Variants in ERC1 observed in about 807,000 individuals in gnomAD.
ERC1 encodes RAB6 interacting protein 2.
ERC1 carries 56 observed loss-of-function variants against 132.0 expected under a neutral mutation model. The ratio of observed to expected loss-of-function variants is 0.42; its 90% confidence interval spans 0.34 to 0.53. ERC1 has a LOEUF of 0.53. Among genes scored for constraint, ERC1 ranks in the 20% least tolerant of loss-of-function variants. The pLI, the probability that ERC1 is intolerant of heterozygous loss-of-function variation, is 0.03. For synonymous variants in ERC1, 478 were observed against 476.1 expected (o/e 1.00, Z -0.05); for missense variants, 1,202 against 1,349.9 (o/e 0.89, Z 1.72).
At chr12:1,334,270 C>CCAAA (rs1447629782) in intron 15 of ERC1, among the ~76,000 whole-genome samples, 3 of 152,196 alleles carry the variant, frequency 2.0e-5, no homozygotes, top group Non-Finnish European at 4.4e-5. Flanking sequence ...GCTTTTGTTG[C>CCAAA]AGTTGCTTTT....
intron 13 of ERC1, among the ~76,000 whole-genome samples, chr12:1,238,197 G>T (rs557806001): frequency 3.4e-4 from 51 of 148,336 alleles, no homozygotes; most frequent in African/African-American, 1.2e-3. Flanking sequence ...AATCTGATGA[G>T]TGGTAAATAT....
intron 3 of ERC1, among the ~76,000 whole-genome samples, chr12:1,083,916 C>A (rs1264373122): frequency 6.6e-6 from 1 of 152,162 alleles, no homozygotes; most frequent in Non-Finnish European, 1.5e-5. Flanking sequence ...ACAACAAAAC[C>A]AGAATCAGAA....
chr12:1,091,621 CT>C (rs1340613198), intron 3 of ERC1, among the ~76,000 whole-genome samples: 1 of 152,174 alleles, frequency 6.6e-6, no homozygotes, highest in Admixed American at 6.5e-5. Context: ...TCCATGCTGT[CT>C]TTGAGAAAAA....
At chr12:1,172,802 A>C (rs1953221999) in intron 8 of ERC1, among the ~76,000 whole-genome samples, 1 of 152,178 alleles carries the variant, frequency 6.6e-6, no homozygotes. Flanking sequence ...ACAGAAGAAA[A>C]ACCTTTTAAA....
chr12:1,049,855 C>T (rs1372306291), intron 2 of ERC1, among the ~76,000 whole-genome samples: 3 of 150,412 alleles, frequency 2.0e-5, no homozygotes, highest in Non-Finnish European at 4.4e-5. Context: ...CGGGTTCAAG[C>T]GATTCTCCTG....
At chr12:1,062,361 A>C (rs527302535) in intron 2 of ERC1, among the ~76,000 whole-genome samples, 1 of 152,192 alleles carries the variant, frequency 6.6e-6, no homozygotes, top group East Asian at 1.9e-4. Flanking sequence ...AGCTCAAGCC[A>C]TCTGCGTGCC....
At chr12:1,290,913 C>G (rs1488465784) in intron 15 of ERC1, among the ~76,000 whole-genome samples, 1 of 152,214 alleles carries the variant, frequency 6.6e-6, no homozygotes, top group Non-Finnish European at 1.5e-5. Flanking sequence ...CTTTCACTGT[C>G]AGTTCTTTCT....
chr12:1,323,466 A>G (rs144063852), intron 15 of ERC1, among the ~76,000 whole-genome samples: 1 of 152,302 alleles, frequency 6.6e-6, no homozygotes, highest in African/African-American at 2.4e-5. Flanking sequence ...AGAATAAAGA[A>G]ATGGTCACTG....
chr12:1,121,907 ATC>A (rs1472691684), intron 7 of ERC1, among the ~76,000 whole-genome samples: 6 of 6,496 alleles, frequency 9.2e-4, no homozygotes, highest in African/African-American at 1.6e-3. Flanking sequence ...CTCTATCTCT[ATC>A]TCTATCTCTA....
chr12:1,186,706 A>G, intron 11 of ERC1, among the ~76,000 whole-genome samples: 1 of 152,228 alleles, frequency 6.6e-6, no homozygotes, highest in East Asian at 1.9e-4. Flanking sequence ...AAATGAAGGC[A>G]TGAAATTAAA....
At chr12:1,166,344 C>G (rs1446684261) in intron 8 of ERC1, among the ~76,000 whole-genome samples, 2 of 152,170 alleles carry the variant, frequency 1.3e-5, no homozygotes, top group Non-Finnish European at 2.9e-5. Context: ...GCCTTCCAAG[C>G]AAGTCACATG....
At chr12:1,274,384 TA>T (rs1302485787) in intron 14 of ERC1, among the ~76,000 whole-genome samples, 1 of 152,102 alleles carries the variant, frequency 6.6e-6, no homozygotes, top group African/African-American at 2.4e-5. Flanking sequence ...TCCATGCAAA[TA>T]AAAAAAGTAT....
chr12:1,322,061 T>C (rs1028209342), intron 15 of ERC1, among the ~76,000 whole-genome samples: 2 of 148,518 alleles, frequency 1.3e-5, no homozygotes, highest in African/African-American at 5.0e-5. Flanking sequence ...TTTGATGCTT[T>C]GATAAGTAGT....
rs888682672 is a variant in ERC1, at chr12:1,328,870, A to G, written c.2780+38858A>G. ...AGACACGGTTCTACGTGTTAGCAGT[A>G]TCATCTGGAATAAGACAGCCTCTGT... On this transcript the variant is annotated intron_variant, in intron 15 of 18. Coordinates refer to ENST00000360905, the MANE Select transcript of ERC1 (RefSeq NM_178040.4). Among the ~76,000 whole-genome samples the G allele has an allele frequency of 2.5e-5, 3 of 119,734 alleles. 1 individual carries two copies. The highest frequency in any genetic ancestry group is 1.0e-4 in the African/African-American group (3 of 28,772). The allele number at this position is 119,734 out of a possible 152,430, so 78.6% of individuals were successfully genotyped here. A position where few individuals can be genotyped will look rare whatever the true frequency, so the allele number is the denominator to read the frequency against.
chr12:1,355,917 C>T (rs2085474383), intron 15 of ERC1, among the ~76,000 whole-genome samples: 2 of 152,052 alleles, frequency 1.3e-5, no homozygotes, highest in South Asian at 2.1e-4. Context: ...ATAAAATACT[C>T]GGTCCTGGCT....
chr12:1,273,825 T>C (rs2078055408), intron 14 of ERC1, among the ~76,000 whole-genome samples: 1 of 152,216 alleles, frequency 6.6e-6, no homozygotes, highest in Non-Finnish European at 1.5e-5. Context: ...AGTTAGTAGA[T>C]ACTAGTTAGT....
At position 1,408,205 on chromosome 12, in the gene ERC1, C is replaced by T. The variant is rs1744475090; in HGVS notation, c.2982C>T (p.Ser994=). ...ADNYEDDHFK[S]SHSNQTNHKP... ...ACTACGAGGATGACCACTTCAAATCCTCCCATTCCAATCAAACAAATCACA... is the reference window on the plus strand; with the variant it reads ...ACTACGAGGATGACCACTTCAAATCTTCCCATTCCAATCAAACAAATCACA... The change falls in exon 17 of 19, where the codon TCC becomes TCT. Residue 994 remains serine (S), a synonymous_variant. Coordinates refer to ENST00000360905, the MANE Select transcript of ERC1 (RefSeq NM_178040.4). 1 of 1,614,022 alleles carries T rather than the reference C, an allele frequency of 6.2e-7. No homozygotes were observed.
At chr12:1,485,558 T>A (rs1313244374) in intron 18 of ERC1, among the ~76,000 whole-genome samples, 2 of 152,200 alleles carry the variant, frequency 1.3e-5, no homozygotes, top group Non-Finnish European at 2.9e-5. Context: ...GCCATTTGTA[T>A]TTCTTCTGTG....
chr12:1,447,107 A>G (rs572788871), intron 18 of ERC1, among the ~76,000 whole-genome samples: 29 of 152,314 alleles, frequency 1.9e-4, no homozygotes, highest in Non-Finnish European at 3.5e-4. Flanking sequence ...CTAAAAATGT[A>G]ATGGAAATAA....
Sources: allele counts gnomAD v4.1 joint callset (sites outside exome capture counted in the v4.1 genomes callset), GRCh38; gene constraint gnomAD v4.1.1; transcripts MANE v1.5; gene names NCBI Gene and HGNC (gene_info 2026-07-23, HGNC 2026-07-21).